NAALADL2: variants seen among roughly 807,000 people sequenced by gnomAD.
NAALADL2 encodes inactive N-acetylated-alpha-linked acidic dipeptidase-like protein 2.
A neutral mutation model predicts 87.2 loss-of-function variants in NAALADL2; 76 were observed. The ratio of observed to expected loss-of-function variants is 0.87; its 90% CI spans 0.72 to 1.05. The LOEUF is 1.05. Among genes scored for constraint, NAALADL2 ranks in the 50% least tolerant of loss-of-function variants. The pLI is 0.00. For missense variants in NAALADL2, 1,089 were observed against 945.8 expected, an observed-to-expected ratio of 1.15 and a Z score of -1.99; for synonymous variants, 354 against 331.0, an observed-to-expected ratio of 1.07 and a Z score of -0.75.
chr3:175,366,267 A>G (rs371170118), intron 5 of NAALADL2, among the ~76,000 whole-genome samples: 2 of 150,848 alleles, frequency 1.3e-5, no homozygotes, highest in African/African-American at 4.9e-5. Flanking sequence ...ATTGTTGGAC[A>G]TTTGGGTTGG....
chr3:174,730,344 G>A (rs1473071562), intron 2 of NAALADL2, among the ~76,000 whole-genome samples: 1 of 151,966 alleles, frequency 6.6e-6, no homozygotes, highest in African/African-American at 2.4e-5. Flanking sequence ...TTAAGTTTTT[G>A]TATCAGAATT....
intron 9 of NAALADL2, among the ~76,000 whole-genome samples, chr3:175,536,405 C>CTAAT (rs1242531494): frequency 6.6e-6 from 1 of 152,072 alleles, no homozygotes; most frequent in East Asian, 1.9e-4. Context: ...CAAAGCAATA[C>CTAAT]TAATTTTGCC....
At chr3:175,600,403 G>T (rs369525223) in intron 10 of NAALADL2, among the ~76,000 whole-genome samples, 4 of 151,510 alleles carry the variant, frequency 2.6e-5, no homozygotes, top group African/African-American at 7.2e-5. Flanking sequence ...CTCTTGGAGA[G>T]ATATGGAAAA....
intron 9 of NAALADL2, among the ~76,000 whole-genome samples, chr3:175,520,695 T>C (rs1732532496): frequency 6.6e-6 from 1 of 152,216 alleles, no homozygotes; most frequent in African/African-American, 2.4e-5. Flanking sequence ...TTGAAGTAAC[T>C]GATCTGTCAA....
intron 10 of NAALADL2, among the ~76,000 whole-genome samples, chr3:175,596,584 C>G: frequency 6.6e-6 from 1 of 151,766 alleles, no homozygotes; most frequent in East Asian, 1.9e-4. Flanking sequence ...TTGAGCGAAT[C>G]CAGACTGAGT....
chr3:175,327,577 G>C (rs921263430), intron 5 of NAALADL2, among the ~76,000 whole-genome samples: 7 of 152,142 alleles, frequency 4.6e-5, no homozygotes, highest in African/African-American at 1.7e-4. Flanking sequence ...GAGAAATTCA[G>C]TGATGGGTAA....
At chr3:174,964,234 G>T (rs1447852739) in intron 1 of NAALADL2, among the ~76,000 whole-genome samples, 1 of 152,060 alleles carries the variant, frequency 6.6e-6, no homozygotes, top group East Asian at 1.9e-4. Context: ...TATGGAAAAT[G>T]GTCTCTATTC....
At chr3:175,088,687 A>C (rs1719515573) in intron 1 of NAALADL2, among the ~76,000 whole-genome samples, 1 of 152,160 alleles carries the variant, frequency 6.6e-6, no homozygotes, top group Non-Finnish European at 1.5e-5. Flanking sequence ...TGTAGATACA[A>C]GCTTCAACTC....
At chr3:175,693,752 T>G (rs6769376) in intron 11 of NAALADL2, among the ~76,000 whole-genome samples, 34,931 of 152,046 alleles carry the variant, frequency 0.23, 7,854 homozygotes, top group African/African-American at 0.58. Context: ...AGGCTGGGGT[T>G]CAGTGGTGCA....
intron 2 of NAALADL2, among the ~76,000 whole-genome samples, chr3:175,132,403 CA>C (rs1728181865): frequency 1.3e-5 from 1 of 74,982 alleles, no homozygotes; most frequent in Non-Finnish European, 2.5e-5. Context: ...AGGCGCCCCT[CA>C]CCTCCCCGAC....
chr3:174,836,030 G>A (rs1220419987), intron 3 of NAALADL2, among the ~76,000 whole-genome samples: 1 of 152,154 alleles, frequency 6.6e-6, no homozygotes, highest in Admixed American at 6.5e-5. Flanking sequence ...GTGAGGCCTT[G>A]AGATCTTTGT....
At chr3:175,067,790 G>A (rs1714809364) in intron 1 of NAALADL2, among the ~76,000 whole-genome samples, 1 of 152,016 alleles carries the variant, frequency 6.6e-6, no homozygotes, top group South Asian at 2.1e-4. Flanking sequence ...ACAGCCACTT[G>A]TATGTTCATC....
chr3:174,760,046 C>T (rs1250694160), intron 3 of NAALADL2, among the ~76,000 whole-genome samples: 1 of 152,192 alleles, frequency 6.6e-6, no homozygotes, highest in African/African-American at 2.4e-5. Flanking sequence ...ACAGAACATT[C>T]TCATGGATCT....
intron 1 of NAALADL2, among the ~76,000 whole-genome samples, chr3:174,918,250 C>T (rs933464178): frequency 4.0e-5 from 6 of 151,794 alleles, no homozygotes; most frequent in African/African-American, 7.3e-5. Context: ...AACAAAATAA[C>T]ACACTAGATT....
chr3:175,152,906 C>T (rs1456630881), intron 2 of NAALADL2, among the ~76,000 whole-genome samples: 23 of 147,234 alleles, frequency 1.6e-4, no homozygotes, highest in Non-Finnish European at 3.0e-5. Context: ...GACTCTGTCT[C>T]AAAAAAAAGA....
At position 175,252,494 on chromosome 3, in the gene NAALADL2, G is replaced by A. The variant is rs867404194; in HGVS notation, c.820-3917G>A. The stretch of plus-strand genomic sequence containing the variant: ...CATTTGCCATCTCCCTCCCTCTCCT[G>A]GGCCTCCCTCTCCTGGGCCTCTGTA... On this transcript the variant is annotated intron_variant, in intron 3 of 13. Transcript: ENST00000454872. Among the ~76,000 whole-genome samples the A allele has an allele frequency of 2.6e-5, 4 of 151,966 alleles. No individual in the cohort carries two copies. The East Asian group carries it at 7.7e-4, about 29-fold the overall frequency.
chr3:175,268,113 T>C (rs1405081130), intron 4 of NAALADL2, among the ~76,000 whole-genome samples: 1 of 152,180 alleles, frequency 6.6e-6, no homozygotes, highest in Non-Finnish European at 1.5e-5. Context: ...CATTAGATGA[T>C]TTCGTTGTTG....
intron 2 of NAALADL2, among the ~76,000 whole-genome samples, chr3:175,128,923 C>T (rs755470645): frequency 1.3e-5 from 2 of 151,282 alleles, no homozygotes; most frequent in Admixed American, 6.6e-5. Flanking sequence ...TACTAGTTAC[C>T]AATTTTTTTT....
At chr3:174,542,758 T>G (rs1369326089) in intron 1 of NAALADL2, among the ~76,000 whole-genome samples, 2 of 152,200 alleles carry the variant, frequency 1.3e-5, no homozygotes, top group Admixed American at 1.3e-4. Context: ...TGTCTTATGC[T>G]GATGAACAGC....
Sources: gnomAD v4.1 joint callset for allele counts (sites outside exome capture counted in the v4.1 genomes callset) on GRCh38, gnomAD v4.1.1 for gene constraint, MANE v1.5 for transcripts, NCBI Gene and HGNC (gene_info 2026-07-23, HGNC 2026-07-21) for gene names.